RANBP2: variants seen among roughly 807,000 people sequenced by gnomAD.
RANBP2 encodes RAN binding protein 2.
RANBP2 carries 57 observed loss-of-function variants against 303.6 expected under a neutral mutation model. The observed-to-expected ratio is 0.19, with a 90% CI of 0.15 to 0.23. RANBP2 has a LOEUF of 0.23. Among genes scored for constraint, RANBP2 ranks in the 10% least tolerant of loss-of-function variants. The pLI, the probability that RANBP2 is intolerant of heterozygous loss-of-function variation, is 1.00. For missense variants in RANBP2, 3,138 were observed against 3,780.8 expected, an observed-to-expected ratio of 0.83 and a Z score of 4.46; for synonymous variants, 1,167 against 1,301.5, an observed-to-expected ratio of 0.90 and a Z score of 2.23.
the RANBP2 span, among the ~76,000 whole-genome samples, chr2:109,069,707 AC>A: frequency 3.9e-5 from 6 of 152,338 alleles, no homozygotes; most frequent in East Asian, 7.7e-4. Flanking sequence ...AATATTATTT[AC>A]CTAGCAACAT....
the RANBP2 span, among the ~76,000 whole-genome samples, chr2:109,664,540 G>T: frequency 6.6e-6 from 1 of 152,076 alleles, no homozygotes; most frequent in Non-Finnish European, 1.5e-5. Context: ...GGAGGAGGAG[G>T]TTGCAGGGAA....
At chr2:109,321,553 C>G in the RANBP2 span, among the ~76,000 whole-genome samples, 1 of 152,194 alleles carries the variant, frequency 6.6e-6, no homozygotes, top group Non-Finnish European at 1.5e-5. Context: ...AACAAACATT[C>G]TCCAATAACT....
chr2:109,076,494 A>G, the RANBP2 span, among the ~76,000 whole-genome samples: 1 of 150,502 alleles, frequency 6.6e-6, no homozygotes, highest in Non-Finnish European at 1.5e-5. Flanking sequence ...ACATGGTCCT[A>G]CATGTAGAAA....
the RANBP2 span, among the ~76,000 whole-genome samples, chr2:109,766,542 G>T: frequency 6.6e-6 from 1 of 150,572 alleles, no homozygotes; most frequent in African/African-American, 2.4e-5. Context: ...GTGGGGAAAT[G>T]ATTCCTTCCT....
At chr2:108,832,499 C>A in the RANBP2 span, among the ~76,000 whole-genome samples, 1 of 151,998 alleles carries the variant, frequency 6.6e-6, no homozygotes, top group South Asian at 2.1e-4. Flanking sequence ...AGGCATGCGC[C>A]ACCACACCCA....
the RANBP2 span, among the ~76,000 whole-genome samples, chr2:108,797,962 A>AT: frequency 4.4e-4 from 62 of 141,228 alleles, no homozygotes; most frequent in Admixed American, 2.1e-3. Context: ...ACGGTGTGTG[A>AT]TTTTTTTTTT....
chr2:108,963,775 C>A, the RANBP2 span, among the ~76,000 whole-genome samples: 1 of 152,216 alleles, frequency 6.6e-6, no homozygotes, highest in Non-Finnish European at 1.5e-5. Flanking sequence ...GGCCTGCAAC[C>A]TGCAAAGAGG....
chr2:109,719,555 C>T, the RANBP2 span, among the ~76,000 whole-genome samples: 5 of 151,720 alleles, frequency 3.3e-5, no homozygotes, highest in Non-Finnish European at 5.9e-5. Flanking sequence ...TACAGGTGTG[C>T]GCCACTACAC....
At chr2:109,168,160 C>T in the RANBP2 span, among the ~76,000 whole-genome samples, 1 of 152,066 alleles carries the variant, frequency 6.6e-6, no homozygotes, top group African/African-American at 2.4e-5. Flanking sequence ...TTCAGGAAGC[C>T]AAAACAGCAA....
At chr2:109,706,722 CAAT>C in the RANBP2 span, among the ~76,000 whole-genome samples, 4 of 152,182 alleles carry the variant, frequency 2.6e-5, no homozygotes, top group African/African-American at 9.7e-5. Flanking sequence ...AGTAGGCACT[CAAT>C]AAGTATTTGT....
chr2:109,240,923 C>T, the RANBP2 span, among the ~76,000 whole-genome samples: 22 of 146,694 alleles, frequency 1.5e-4, no homozygotes, highest in Non-Finnish European at 2.7e-4. Flanking sequence ...CTTCTTTTCT[C>T]ATGTTCCATC....
the RANBP2 span, among the ~76,000 whole-genome samples, chr2:109,037,323 CAAAAAAAAAAAA>C: frequency 1.8e-5 from 1 of 54,338 alleles, no homozygotes; most frequent in Non-Finnish European, 3.9e-5. Flanking sequence ...GACCATGTCT[CAAAAAAAAAAAA>C]AAAAAAAAAA....
At chr2:109,296,910 T>G in the RANBP2 span, among the ~76,000 whole-genome samples, 1 of 151,224 alleles carries the variant, frequency 6.6e-6, no homozygotes, top group Non-Finnish European at 1.5e-5. Flanking sequence ...AACACAGGAG[T>G]GTGGATTGGG....
At chr2:109,247,316 T>C in the RANBP2 span, among the ~76,000 whole-genome samples, 1 of 152,314 alleles carries the variant, frequency 6.6e-6, no homozygotes, top group South Asian at 2.1e-4. Context: ...TTGAGCCCTT[T>C]ATCCAAATCT....
the RANBP2 span, among the ~76,000 whole-genome samples, chr2:108,836,602 G>A: frequency 3.9e-5 from 6 of 152,144 alleles, no homozygotes; most frequent in Admixed American, 1.3e-4. Context: ...GTAAATTAAT[G>A]CTTTAGGGAT....
the RANBP2 span, among the ~76,000 whole-genome samples, chr2:109,079,983 G>A: frequency 1.1e-4 from 17 of 152,210 alleles, no homozygotes; most frequent in East Asian, 1.9e-4. Context: ...TTTCTGGGAC[G>A]ACAGAAAGAC....
the RANBP2 span, chr2:109,565,879 AC>A: frequency 6.3e-7 from 1 of 1,582,782 alleles, no homozygotes; most frequent in Middle Eastern, 1.7e-4. Flanking sequence ...AATATCGAGC[AC>A]ATCTTCTCAT....
the RANBP2 span, among the ~76,000 whole-genome samples, chr2:109,587,201 A>G: frequency 1.3e-5 from 2 of 152,204 alleles, no homozygotes; most frequent in African/African-American, 4.8e-5. Flanking sequence ...AACGACAAAA[A>G]GCAGCAGACA....
chr2:108,745,930 A>G (rs1321779274), intron 7 of RANBP2, among the ~76,000 whole-genome samples: 1 of 142,628 alleles, frequency 7.0e-6, no homozygotes, highest in Admixed American at 7.1e-5. Flanking sequence ...TTTTGGAGAT[A>G]GGGTCTCACT....
Sources: allele counts gnomAD v4.1 joint callset (sites outside exome capture counted in the v4.1 genomes callset), GRCh38; gene constraint gnomAD v4.1.1; transcripts MANE v1.5; gene names NCBI Gene and HGNC (gene_info 2026-07-23, HGNC 2026-07-21).